Variants in ACER3 observed in about 807,000 individuals in gnomAD.
The protein encoded by ACER3 is alkaline ceramidase 3.
A neutral mutation model predicts 48.9 loss-of-function variants in ACER3; 16 were observed. The ratio of observed to expected loss-of-function variants is 0.33; its 90% CI spans 0.22 to 0.50. The LOEUF (loss-of-function observed/expected upper bound fraction) is 0.50. ACER3 is among the 20% of genes least tolerant of loss of function. ACER3 has a pLI of 0.98. For missense variants in ACER3, 227 were observed against 326.0 expected (o/e 0.70, Z 2.34); for synonymous variants, 109 against 107.8 (o/e 1.01, Z -0.07).
At chr11:76,950,282 TAG>T (rs72276754) in intron 2 of ACER3, among the ~76,000 whole-genome samples, 79,520 of 140,284 alleles carry the variant, frequency 0.57, 25,774 homozygotes, top group Non-Finnish European at 0.74. Context: ...TAAGCCGGAG[TAG>T]AGTCTAAAGT....
At chr11:76,907,677 C>G (rs1388964751) in intron 1 of ACER3, among the ~76,000 whole-genome samples, 1 of 151,886 alleles carries the variant, frequency 6.6e-6, no homozygotes, top group East Asian at 1.9e-4. Flanking sequence ...CAAGACTAGC[C>G]TGGCCAACAC....
chr11:76,882,648 A>T lies in ACER3; in HGVS notation c.103+21569A>T, dbSNP rs142284181. ...TCAATTGATATTCTTTTCTCGTTAGAATAAGAACCATTTTCCTGGTTCTTC... is the reference window on the plus strand; with the variant it reads ...TCAATTGATATTCTTTTCTCGTTAGTATAAGAACCATTTTCCTGGTTCTTC... On this transcript the variant is annotated intron_variant, in intron 1 of 10. Transcript: ENST00000532485. Among the ~76,000 whole-genome samples the T allele has an allele frequency of 4.9e-4, 74 of 152,330 alleles. 1 individual carries two copies. Among genetic ancestry groups the T allele is most frequent in the African/African-American group, 1.6e-3 (65 of 41,586 alleles).
chr11:76,969,271 T>A (rs1451764146), intron 3 of ACER3, among the ~76,000 whole-genome samples: 5 of 152,076 alleles, frequency 3.3e-5, no homozygotes, highest in Non-Finnish European at 5.9e-5. Context: ...GTTAGAATGG[T>A]GATCATTAAA....
intron 1 of ACER3, among the ~76,000 whole-genome samples, chr11:76,903,486 T>G (rs1263082011): frequency 2.5e-5 from 1 of 40,378 alleles, no homozygotes; most frequent in Non-Finnish European, 4.9e-5. Flanking sequence ...ACACACCTTT[T>G]ATGGCCAAGG....
chr11:76,935,878 T>C (rs1437380489), intron 2 of ACER3, among the ~76,000 whole-genome samples: 2 of 152,226 alleles, frequency 1.3e-5, no homozygotes, highest in East Asian at 3.8e-4. Context: ...GACTACTATA[T>C]TGGGCAGTGC....
chr11:76,966,525 C>T, intron 3 of ACER3, among the ~76,000 whole-genome samples: 1 of 150,978 alleles, frequency 6.6e-6, no homozygotes, highest in East Asian at 1.9e-4. Flanking sequence ...AGCACCACAC[C>T]ACCCCTATTC....
intron 7 of ACER3, among the ~76,000 whole-genome samples, chr11:77,010,241 G>A (rs1183861730): frequency 2.6e-5 from 4 of 151,388 alleles, no homozygotes; most frequent in African/African-American, 9.7e-5. Context: ...CTAACTACTC[G>A]AGAGGCTGAG....
At chr11:76,891,940 TA>T (rs1180595194) in intron 1 of ACER3, among the ~76,000 whole-genome samples, 7 of 152,246 alleles carry the variant, frequency 4.6e-5, no homozygotes, top group Non-Finnish European at 1.0e-4. Flanking sequence ...TAGTATAGAC[TA>T]ACACTCATGA....
chr11:76,922,743 T>C (rs113501702), intron 1 of ACER3, among the ~76,000 whole-genome samples: 61 of 152,288 alleles, frequency 4.0e-4, no homozygotes, highest in African/African-American at 1.3e-3. Context: ...TTGTGAGAAC[T>C]TGGAATTGTA....
At chr11:76,995,922 A>T (rs1255867414) in intron 6 of ACER3, among the ~76,000 whole-genome samples, 1 of 152,054 alleles carries the variant, frequency 6.6e-6, no homozygotes, top group Non-Finnish European at 1.5e-5. Context: ...TTCAGCTGTG[A>T]TTTTTCTTTT....
chr11:76,975,874 CTTTTTTT>C (rs34786738), intron 3 of ACER3, among the ~76,000 whole-genome samples: 3 of 82,770 alleles, frequency 3.6e-5, no homozygotes, highest in East Asian at 3.2e-4. Flanking sequence ...TTTTTCTTTT[CTTTTTTT>C]TTTTTTTTTT....
chr11:76,947,618 A>T (rs1291816829), intron 2 of ACER3, among the ~76,000 whole-genome samples: 1 of 152,212 alleles, frequency 6.6e-6, no homozygotes, highest in Non-Finnish European at 1.5e-5. Context: ...ATCATTTTAC[A>T]GCTTGCTTAG....
At chr11:76,902,756 A>G (rs1189446247) in intron 1 of ACER3, among the ~76,000 whole-genome samples, 1 of 152,230 alleles carries the variant, frequency 6.6e-6, no homozygotes, top group African/African-American at 2.4e-5. Flanking sequence ...TACTGGAGAG[A>G]TGAACTGCTC....
At chr11:76,871,397 G>C (rs1373988869) in intron 1 of ACER3, among the ~76,000 whole-genome samples, 1 of 152,214 alleles carries the variant, frequency 6.6e-6, no homozygotes, top group Non-Finnish European at 1.5e-5. Context: ...GGAGACATTA[G>C]ATGTCAATCA....
chr11:76,912,869 G>A (rs1158472916), intron 1 of ACER3, among the ~76,000 whole-genome samples: 1 of 152,172 alleles, frequency 6.6e-6, no homozygotes, highest in Admixed American at 6.6e-5. Flanking sequence ...TGGGTCCACA[G>A]CAACTTCAGT....
intron 1 of ACER3, among the ~76,000 whole-genome samples, chr11:76,924,610 T>C (rs978024896): frequency 6.6e-6 from 1 of 152,114 alleles, no homozygotes; most frequent in South Asian, 2.1e-4. Context: ...TGTTGTCTTC[T>C]AGTTTTGGTG....
At chr11:76,875,502 C>T (rs538605105) in intron 1 of ACER3, among the ~76,000 whole-genome samples, 1 of 152,136 alleles carries the variant, frequency 6.6e-6, no homozygotes, top group Non-Finnish European at 1.5e-5. Flanking sequence ...CCCACTATCT[C>T]AATTCTACCA....
chr11:76,872,911 C>CTTTTTTTTTT (rs59654087), intron 1 of ACER3, among the ~76,000 whole-genome samples: 1 of 68,706 alleles, frequency 1.5e-5, no homozygotes, highest in African/African-American at 3.8e-5. Context: ...TTTTCTTTTT[C>CTTTTTTTTTT]TTTTTTTTTT....
chr11:76,898,065 T>C (rs1945980394), intron 1 of ACER3, among the ~76,000 whole-genome samples: 2 of 152,076 alleles, frequency 1.3e-5, no homozygotes, highest in Non-Finnish European at 2.9e-5. Context: ...TATGAATATA[T>C]GGTGGTGGAG....
Sources: allele counts gnomAD v4.1 joint callset (sites outside exome capture counted in the v4.1 genomes callset), GRCh38; gene constraint gnomAD v4.1.1; transcripts MANE v1.5; gene names NCBI Gene and HGNC (gene_info 2026-07-23, HGNC 2026-07-21).